Variants in MEMO1 observed in about 807,000 individuals in gnomAD.
The protein encoded by MEMO1 is mediator of cell motility 1.
Under a neutral mutation model 45.2 loss-of-function variants are expected in MEMO1, and 6 were observed. The observed-to-expected ratio is 0.13, with a 90% CI of 0.07 to 0.26. The LOEUF (loss-of-function observed/expected upper bound fraction) is 0.26, where lower values mean the gene tolerates loss of function less well. Ranked by LOEUF, MEMO1 falls within the 10% of genes least tolerant of loss-of-function variation. The pLI is 1.00. For missense variants in MEMO1, 184 were observed against 370.5 expected (o/e 0.50, Z 4.13); for synonymous variants, 78 against 124.3 (o/e 0.63, Z 2.48).
chr2:31,877,137 T>C lies in MEMO1; in HGVS notation c.657+6249A>G, dbSNP rs543806329. Among the ~76,000 whole-genome samples the C allele has an allele frequency of 2.2e-4, 33 of 152,350 alleles. 1 individual carries two copies. The highest frequency in any genetic ancestry group is 4.1e-4 in the South Asian group (2 of 4,832). On this transcript the variant is annotated intron_variant, in intron 8 of 9. Coordinates refer to ENST00000404530, the MANE Select transcript of MEMO1 (RefSeq NM_001301833.4). ...AGCACTCATTCAACAACTGTATATA[T>C]TGTGTGCCCACTGACAGGCACTAGG... is the stretch of plus-strand genomic sequence containing the variant.
intron 4 of MEMO1, among the ~76,000 whole-genome samples, chr2:31,930,226 C>T (rs1683748217): frequency 6.6e-6 from 1 of 152,232 alleles, no homozygotes; most frequent in South Asian, 2.1e-4. Flanking sequence ...TGCACCACTG[C>T]ACTCCAGCAT....
chr2:31,927,639 TAA>T (rs555788140), intron 4 of MEMO1, among the ~76,000 whole-genome samples: 12 of 138,772 alleles, frequency 8.6e-5, no homozygotes, highest in Admixed American at 2.9e-4. Context: ...TTATATTTTG[TAA>T]AAAAAAAAAA....
At chr2:31,873,298 A>C (rs1011460699) in intron 8 of MEMO1, among the ~76,000 whole-genome samples, 11 of 152,146 alleles carry the variant, frequency 7.2e-5, no homozygotes, top group Admixed American at 7.2e-4. Context: ...AAACACCAAA[A>C]GCCCATCCAT....
At chr2:31,996,052 T>C (rs1389946157) in intron 2 of MEMO1, among the ~76,000 whole-genome samples, 1 of 152,056 alleles carries the variant, frequency 6.6e-6, no homozygotes, top group East Asian at 1.9e-4. Flanking sequence ...AGTGAATTCA[T>C]CAAGAAAACA....
At chr2:31,975,789 C>A (rs1669939506) in intron 2 of MEMO1, among the ~76,000 whole-genome samples, 1 of 152,162 alleles carries the variant, frequency 6.6e-6, no homozygotes, top group Non-Finnish European at 1.5e-5. Flanking sequence ...CCCACAATGT[C>A]CAGAGTTGGA....
chr2:31,948,956 T>C (rs1666493597), intron 2 of MEMO1, among the ~76,000 whole-genome samples: 1 of 152,114 alleles, frequency 6.6e-6, no homozygotes, highest in South Asian at 2.1e-4. Flanking sequence ...GCAAAAATCT[T>C]AATAGACATT....
intron 6 of MEMO1, among the ~76,000 whole-genome samples, chr2:31,916,343 C>T (rs1386155301): frequency 1.3e-5 from 2 of 152,058 alleles, no homozygotes; most frequent in African/African-American, 4.8e-5. Flanking sequence ...ATCATCCCAC[C>T]CCAGCCTCCC....
At chr2:31,899,864 G>T (rs927484471) in intron 6 of MEMO1, among the ~76,000 whole-genome samples, 9 of 152,154 alleles carry the variant, frequency 5.9e-5, no homozygotes, top group African/African-American at 1.9e-4. Context: ...CAAAAAGTAG[G>T]CTAAAGATAT....
chr2:31,868,512 G>T lies in MEMO1; in HGVS notation c.763-20C>A. ...GATAGCCTAGAAAAAAGAAAAATTT[G>T]GTTAGGACACACATCACATAAAAAA... On this transcript the variant is annotated intron_variant, in intron 9 of 9. Coordinates refer to ENST00000404530, the MANE Select transcript of MEMO1 (RefSeq NM_001301833.4). 1 of 1,584,448 alleles carries T rather than the reference G, an allele frequency of 6.3e-7. No homozygotes were observed. Among genetic ancestry groups the T allele is most frequent in the South Asian group, 1.2e-5 (1 of 86,100 alleles).
chr2:31,941,318 C>T (rs938024393), intron 3 of MEMO1, among the ~76,000 whole-genome samples: 4 of 152,172 alleles, frequency 2.6e-5, no homozygotes, highest in African/African-American at 9.7e-5. Flanking sequence ...CCTCAGCTAT[C>T]TGCACAGCTT....
chr2:31,920,934 C>A (rs1193319936), intron 4 of MEMO1, 24 bp from the exon 5 acceptor site: 1 of 1,471,820 alleles, frequency 6.8e-7, no homozygotes, highest in Non-Finnish European at 9.4e-7. Context: ...AACAAAAAAA[C>A]ACGTAACAAT....
intron 8 of MEMO1, among the ~76,000 whole-genome samples, chr2:31,876,437 T>A (rs1373157977): frequency 6.6e-6 from 1 of 152,170 alleles, no homozygotes; most frequent in Non-Finnish European, 1.5e-5. Flanking sequence ...CATTCCTACT[T>A]GAAACTAATT....
intron 8 of MEMO1, among the ~76,000 whole-genome samples, chr2:31,878,319 T>C (rs1674860566): frequency 6.6e-6 from 1 of 152,180 alleles, no homozygotes; most frequent in East Asian, 1.9e-4. Flanking sequence ...ACACTGGCTT[T>C]TATTCTGACT....
chr2:31,900,341 TA>T (rs1678592608), intron 6 of MEMO1, among the ~76,000 whole-genome samples: 3 of 152,328 alleles, frequency 2.0e-5, no homozygotes, highest in Middle Eastern at 3.4e-3. Context: ...CATGGAATAC[TA>T]TGCAGCCATA....
chr2:31,869,889 T>C lies in MEMO1; in HGVS notation c.721A>G (p.Asn241Asp). ...SFSNYLKKYH[N>D]TICGRHPIGV... Reference sequence around the variant, plus strand: ...ATGGGATGTCTTCCACATATAGTATTATGGTATTTCTTCAAGTAATTGCTA... The same window carrying C: ...ATGGGATGTCTTCCACATATAGTATCATGGTATTTCTTCAAGTAATTGCTA... The change falls in exon 9 of 10, where the codon AAT (asparagine) becomes GAT (aspartate). Residue 241 changes from asparagine to aspartate, a missense_variant. By Grantham distance (23) the Asn-to-Asp change is conservative (BLOSUM62 1). Around this residue, in one of 3 missense-constraint regions of MEMO1, gnomAD observed 97 missense variants for 209.3 expected, o/e 0.46. Transcript: ENST00000404530. 1 of 1,591,700 alleles carries C rather than the reference T, an allele frequency of 6.3e-7. No individual in the cohort carries two copies. The highest frequency in any genetic ancestry group is 8.5e-7 in the Non-Finnish European group (1 of 1,172,262).
At chr2:31,939,694 T>G (rs1204625652) in intron 3 of MEMO1, among the ~76,000 whole-genome samples, 3 of 152,158 alleles carry the variant, frequency 2.0e-5, no homozygotes, top group Admixed American at 6.6e-5. Flanking sequence ...CAAGGATCCC[T>G]CTTAGGTAAA....
intron 6 of MEMO1, among the ~76,000 whole-genome samples, chr2:31,897,164 C>T (rs767691869): frequency 6.6e-6 from 1 of 151,932 alleles, no homozygotes; most frequent in Non-Finnish European, 1.5e-5. Flanking sequence ...ATGTCATCTG[C>T]AAACAGAGAC....
chr2:31,880,202 T>C (rs1387072407), intron 8 of MEMO1, among the ~76,000 whole-genome samples: 1 of 152,152 alleles, frequency 6.6e-6, no homozygotes, highest in African/African-American at 2.4e-5. Flanking sequence ...AATCATTTGC[T>C]ATATGGAAAA....
intron 6 of MEMO1, among the ~76,000 whole-genome samples, chr2:31,914,961 TAAA>T (rs34556047): frequency 3.3e-5 from 4 of 120,214 alleles, no homozygotes; most frequent in Non-Finnish European, 3.4e-5. Context: ...TGTCTCTTTT[TAAA>T]AAAAAAAAAA....
Sources: gnomAD v4.1 joint callset for allele counts (sites outside exome capture counted in the v4.1 genomes callset) on GRCh38, gnomAD v4.1.1 for gene constraint, gnomAD v4.1.1 regional missense constraint, MANE v1.5 for transcripts, NCBI Gene and HGNC (gene_info 2026-07-23, HGNC 2026-07-21) for gene names.